Variants in SLC26A9 observed in about 807,000 individuals in gnomAD.
SLC26A9 encodes anion transporter/exchanger protein 9.
In SLC26A9, 46 loss-of-function variants were observed where a neutral mutation model predicts 87.1. The observed-to-expected ratio is 0.53, with a 90% CI of 0.42 to 0.67. SLC26A9 has a LOEUF of 0.67. SLC26A9 is among the 30% of genes least tolerant of loss of function. The pLI, the probability that SLC26A9 is intolerant of heterozygous loss-of-function variation, is 0.00. For synonymous variants in SLC26A9, 437 were observed against 409.1 expected, an observed-to-expected ratio of 1.07 and a Z score of -0.82; for missense variants, 927 against 1,018.3, an observed-to-expected ratio of 0.91 and a Z score of 1.22.
chr1:205,926,935 T>C (rs1659095817), intron 11 of SLC26A9, among the ~76,000 whole-genome samples: 1 of 152,196 alleles, frequency 6.6e-6, no homozygotes, highest in Non-Finnish European at 1.5e-5. Flanking sequence ...AAATGTTGCC[T>C]AGGGATTAGA....
chr1:205,923,720 G>C (rs1658944533), intron 13 of SLC26A9, 107 bp from the exon 14 acceptor site: 1 of 1,187,138 alleles, frequency 8.4e-7, no homozygotes, highest in Non-Finnish European at 1.2e-6. Context: ...ATGGGGTCCT[G>C]TCCTCACCCC....
At chr1:205,927,644 TG>T in intron 9 of SLC26A9, 39 bp from the exon 10 acceptor site, 5 of 1,584,878 alleles carry the variant, frequency 3.2e-6, no homozygotes, top group East Asian at 2.2e-5. Context: ...AGTGTGGGGC[TG>T]GGGGGCACGG....
At chr1:205,935,874 C>A in intron 1 of SLC26A9, 36 bp from the exon 2 acceptor site, 1 of 1,586,424 alleles carries the variant, frequency 6.3e-7, no homozygotes, top group Non-Finnish European at 8.6e-7. Context: ...GGTGAGGGAA[C>A]ATCCCTCCCT....
Position 205,927,246 on chromosome 1 carries a change from G to C in SLC26A9, c.1258C>G (p.Leu420Val). 1 of 1,614,174 alleles carries C rather than the reference G, an allele frequency of 6.2e-7. No homozygotes were observed. The highest frequency in any genetic ancestry group is 8.5e-7 in the Non-Finnish European group (1 of 1,180,018). ...GGATACAGATAGATCCCCAGGACCA[G>C]CATGGTGATCATCACCACCAGAGAC... ...CVSLVVMITM[L>V]VLGIYLYPLP... Residue 420 changes from leucine to valine, a missense_variant, in exon 11 of 21, where the codon CTG becomes GTG. Physicochemically the swap from Leu to Val is conservative, Grantham distance 32. Transcript: ENST00000367135.
intron 5 of SLC26A9, among the ~76,000 whole-genome samples, chr1:205,931,071 C>T (rs920572654): frequency 3.3e-5 from 5 of 152,206 alleles, no homozygotes; most frequent in Non-Finnish European, 4.4e-5. Flanking sequence ...AATGAAAAGG[C>T]GCTCTCTGGG....
At chr1:205,939,912 C>G (rs1445170317) in intron 1 of SLC26A9, among the ~76,000 whole-genome samples, 1 of 152,166 alleles carries the variant, frequency 6.6e-6, no homozygotes, top group Admixed American at 6.5e-5. Context: ...TATCTACAAG[C>G]CCTGCCCCCA....
chr1:205,915,086 G>A lies in SLC26A9; in HGVS notation c.*271C>T, dbSNP rs777722709. The A allele has an allele frequency of 1.9e-6, 3 of 1,614,098 alleles. No homozygotes were observed. Among genetic ancestry groups the A allele is most frequent in the Middle Eastern group, 1.7e-4 (1 of 6,060 alleles). On this transcript the variant is annotated 3_prime_UTR_variant, in exon 21 of 21. Coordinates refer to ENST00000367135, the MANE Select transcript of SLC26A9 (RefSeq NM_052934.4). ...GTGGGTGGGGTGGAGTGAGCAGGAG[G>A]CTTGTCCATTGCGGCCAGGGCCTGA...
intron 1 of SLC26A9, among the ~76,000 whole-genome samples, chr1:205,942,440 G>C (rs1271270390): frequency 6.6e-6 from 1 of 152,182 alleles, no homozygotes; most frequent in African/African-American, 2.4e-5. Context: ...CTGCCCACTT[G>C]GGGGGCTGCG....
At position 205,943,416 on chromosome 1, in the gene SLC26A9, G is replaced by C. The variant is rs909252401; in HGVS notation, c.-70C>G. On this transcript the variant is annotated 5_prime_UTR_variant, in exon 1 of 21. Transcript: ENST00000367135. ...AGGGCTGCAGGTGTGTCTGGGGAGC[G>C]GGCAGCCGAAAGGTGTTCCTGAGGT... is the stretch of plus-strand genomic sequence containing the variant. 6.6e-6 allele frequency: 1 copy of C among 152,324 alleles called. No homozygotes were observed. The highest frequency in any genetic ancestry group is 1.9e-4 in the East Asian group (1 of 5,160). The allele number at this position is 152,324 out of a possible 1,614,324, so 9.4% of individuals were successfully genotyped here. A position where few individuals can be genotyped will look rare whatever the true frequency, so the allele number is the denominator to read the frequency against.
In SLC26A9 at chr1:205,915,107, C is replaced by T; in HGVS notation, c.*250G>A. On this transcript the variant is annotated 3_prime_UTR_variant, in exon 21 of 21. Transcript: ENST00000367135. ...GGAGGCTTGTCCATTGCGGCCAGGG[C>T]CTGACGGGTGAAGAGTGGGCTCACC... The T allele has an allele frequency of 1.2e-6, 2 of 1,613,860 alleles. No homozygotes were observed. Among genetic ancestry groups the T allele is most frequent in the South Asian group, 1.1e-5 (1 of 91,030 alleles).
At chr1:205,936,295 G>C (rs1233480522) in intron 1 of SLC26A9, among the ~76,000 whole-genome samples, 1 of 152,222 alleles carries the variant, frequency 6.6e-6, no homozygotes, top group Non-Finnish European at 1.5e-5. Flanking sequence ...GGAAGAAACA[G>C]AAAACAGCTT....
chr1:205,925,072 T>G (rs1659011010), intron 12 of SLC26A9, among the ~76,000 whole-genome samples: 2 of 152,150 alleles, frequency 1.3e-5, no homozygotes, highest in African/African-American at 4.8e-5. Flanking sequence ...AGATCACAGG[T>G]GTGAGTCAGC....
intron 16 of SLC26A9, among the ~76,000 whole-genome samples, chr1:205,922,386 T>C (rs941541522): frequency 2.0e-5 from 3 of 152,178 alleles, no homozygotes; most frequent in Non-Finnish European, 4.4e-5. Flanking sequence ...AGAGTGATTC[T>C]CCCATCTCGG....
In SLC26A9 at chr1:205,915,212, G is replaced by A. The variant is rs998755249; in HGVS notation, c.*145C>T. 5 of 1,606,370 alleles carry A rather than the reference G, an allele frequency of 3.1e-6. No homozygotes were observed. In the African/African-American group the frequency reaches 6.7e-5, roughly 21 times the overall value. ...GAGATGCGGGGAGGGAAGGAAGGGA[G>A]GAGAGAGGGGGAGAGGAGAGAGGAA... On this transcript the variant is annotated 3_prime_UTR_variant, in exon 21 of 21. Transcript: ENST00000367135.
rs914767583 is a variant in SLC26A9 at position 205,914,926 on chromosome 1, G to A, written c.*431C>T. 1.7e-5 allele frequency: 27 copies of A among 1,613,816 alleles called. No individual in the cohort carries two copies. Among genetic ancestry groups the A allele is most frequent in the Middle Eastern group, 3.3e-4 (2 of 6,082 alleles). ...TGACAGCCTGACACCATCTGACACCGAGCCGTGTGGGCTCTGGGACACTTT... is the reference window on the plus strand; with the variant it reads ...TGACAGCCTGACACCATCTGACACCAAGCCGTGTGGGCTCTGGGACACTTT... On this transcript the variant is annotated 3_prime_UTR_variant, in exon 21 of 21. Coordinates refer to ENST00000367135, the MANE Select transcript of SLC26A9 (RefSeq NM_052934.4).
intron 1 of SLC26A9, among the ~76,000 whole-genome samples, chr1:205,936,186 C>T (rs572020451): frequency 4.8e-4 from 73 of 152,306 alleles, no homozygotes; most frequent in Non-Finnish European, 9.6e-4. Flanking sequence ...CAGGTGGACC[C>T]TCCCCTCCCC....
intron 19 of SLC26A9, among the ~76,000 whole-genome samples, chr1:205,918,037 A>G (rs1168955644): frequency 6.6e-6 from 1 of 152,212 alleles, no homozygotes; most frequent in Non-Finnish European, 1.5e-5. Context: ...TTCAGCACTT[A>G]GAACAGATGG....
intron 1 of SLC26A9, among the ~76,000 whole-genome samples, chr1:205,941,494 C>A (rs1257421377): frequency 1.3e-5 from 2 of 152,108 alleles, no homozygotes; most frequent in African/African-American, 4.8e-5. Flanking sequence ...TTAAACACTC[C>A]TTTTCCTTCT....
intron 1 of SLC26A9, among the ~76,000 whole-genome samples, chr1:205,937,103 A>C (rs961042196): frequency 2.6e-5 from 4 of 152,138 alleles, no homozygotes; most frequent in Admixed American, 6.5e-5. Flanking sequence ...TGCAAATGTG[A>C]GTTTCTATTA....
Sources: gnomAD v4.1 joint callset for allele counts (sites outside exome capture counted in the v4.1 genomes callset) on GRCh38, gnomAD v4.1.1 for gene constraint, MANE v1.5 for transcripts, NCBI Gene and HGNC (gene_info 2026-07-23, HGNC 2026-07-21) for gene names.